The following PCDHGA8 variants were observed in gnomAD, a reference collection of about 807,000 sequenced individuals.
PCDHGA8 encodes the protein protocadherin gamma-A8.
PCDHGA8 carries 45 observed loss-of-function variants against 59.2 expected under a neutral mutation model. That is an observed-to-expected ratio of 0.76 (90% CI 0.60 to 0.98). PCDHGA8 has a LOEUF of 0.98. Ranked by LOEUF, PCDHGA8 falls within the 50% of genes least tolerant of loss-of-function variation. The probability of loss-of-function intolerance (pLI) is 0.00; values close to 1 mark genes in which losing one functional copy is unlikely to be tolerated. For synonymous variants in PCDHGA8, 531 were observed against 519.0 expected, an observed-to-expected ratio of 1.02 and a Z score of -0.32; for missense variants, 1,257 against 1,196.2, an observed-to-expected ratio of 1.05 and a Z score of -0.75.
chr5:141,395,459 T>C (rs2093235244), intron 1 of PCDHGA8: 1 of 602,046 alleles, frequency 1.7e-6, no homozygotes, highest in African/African-American at 1.9e-5. Context: ...TCAACCATTT[T>C]AAGCCTTCCA....
At position 141,486,209 on chromosome 5, in the gene PCDHGA8, A is replaced by C. The variant is rs749965379; in HGVS notation, c.2425-8598A>C. On this transcript the variant is annotated intron_variant, in intron 1 of 3. Transcript: ENST00000398604. The surrounding 1 kb of genome is among the most constrained non-coding windows in gnomAD (Gnocchi z 5.0). ...AGTGGATCTGCTGGACGTAAATGAC[A>C]ATGCCCCTTACATCACAGTGACCTC... 1 of 1,614,080 alleles carries C rather than the reference A, an allele frequency of 6.2e-7. No homozygotes were observed. Among genetic ancestry groups the C allele is most frequent in the South Asian group, 1.1e-5 (1 of 91,078 alleles).
At chr5:141,400,014 C>T (rs2093941558) in intron 1 of PCDHGA8, 1 of 1,612,662 alleles carries the variant, frequency 6.2e-7, no homozygotes, top group Non-Finnish European at 8.5e-7. Flanking sequence ...GTGCCTTGGG[C>T]GACAGGGACG....
At chr5:141,509,669 G>GAGAA (rs2099877764) in intron 3 of PCDHGA8, among the ~76,000 whole-genome samples, 1 of 152,180 alleles carries the variant, frequency 6.6e-6, no homozygotes, top group African/African-American at 2.4e-5. Flanking sequence ...CTGGGCCCCA[G>GAGAA]TTTCTTCTTC....
In PCDHGA8 at chr5:141,502,614, T is replaced by C. The variant is rs534996288; in HGVS notation, c.2484-2779T>C. Among the ~76,000 whole-genome samples the C allele has an allele frequency of 7.2e-5, 11 of 152,316 alleles. No homozygotes were observed. In the East Asian group the frequency reaches 1.7e-3, roughly 24 times the overall value. ...AGATATTTTAAAATATTTGTGAAAATATAAGTAATCTGTGGATGATACTTT... is the reference window on the plus strand; with the variant it reads ...AGATATTTTAAAATATTTGTGAAAACATAAGTAATCTGTGGATGATACTTT... On this transcript the variant is annotated intron_variant, in intron 2 of 3. Transcript: ENST00000398604.
rs762414791 is a variant in PCDHGA8 at position 141,418,601 on chromosome 5, A to G, written c.2424+23364A>G. The G allele has an allele frequency of 3.5e-5, 57 of 1,613,930 alleles. No individual in the cohort carries two copies. The highest frequency in any genetic ancestry group is 1.7e-6 in the Non-Finnish European group (2 of 1,179,902). On this transcript the variant is annotated intron_variant, in intron 1 of 3. Coordinates refer to ENST00000398604, the MANE Select transcript of PCDHGA8 (RefSeq NM_032088.2). ...CCCAGTGTTCAGCCAGGACGTGTAC[A>G]GGGTTAGCCTTCGGGAAGACGTGCC...
intron 1 of PCDHGA8, chr5:141,400,584 A>G (rs745551734): frequency 1.9e-6 from 3 of 1,609,038 alleles, no homozygotes; most frequent in Non-Finnish European, 8.5e-7. Flanking sequence ...TATTTACATG[A>G]AACTATCGTA....
intron 1 of PCDHGA8, among the ~76,000 whole-genome samples, chr5:141,397,773 T>C (rs2093568087): frequency 1.3e-5 from 2 of 152,218 alleles, no homozygotes; most frequent in African/African-American, 2.4e-5. Context: ...ATTAAGTATA[T>C]GGACGTAAAA....
chr5:141,482,069 G>A (rs892777397), intron 1 of PCDHGA8, among the ~76,000 whole-genome samples: 1 of 138,078 alleles, frequency 7.2e-6, no homozygotes, highest in Non-Finnish European at 1.5e-5. Context: ...TGGGCAACAA[G>A]AACAAAACTC....
Position 141,506,556 on chromosome 5 carries a change from AC to A in PCDHGA8, c.2572+1080del, listed in dbSNP as rs560503002. Among the ~76,000 whole-genome samples the A allele has an allele frequency of 4.0e-4, 60 of 151,718 alleles. 1 individual carries two copies. In the East Asian group the frequency reaches 0.011, roughly 28 times the overall value. ...AATGAGTCCTTAGGTAAGTTATTAA[AC>A]CCCCTCGGTTTCACTTACTATTAAT... On this transcript the variant is annotated intron_variant, in intron 3 of 3. Coordinates refer to ENST00000398604, the MANE Select transcript of PCDHGA8 (RefSeq NM_032088.2).
At chr5:141,413,626 G>T (rs757785567) in intron 1 of PCDHGA8, 24 of 1,613,680 alleles carry the variant, frequency 1.5e-5, no homozygotes, top group Non-Finnish European at 1.7e-5. Context: ...TGAAAATGTC[G>T]CTGCGGGAAT....
At chr5:141,421,141 G>A (rs7732160) in intron 1 of PCDHGA8, 49,996 of 938,386 alleles carry the variant, frequency 0.053, 1,680 homozygotes, top group African/African-American at 0.14. Flanking sequence ...TATTTTGGAT[G>A]TAGTCGGCCT....
In PCDHGA8 at chr5:141,486,329, A is replaced by C. The variant is rs1045072240; in HGVS notation, c.2425-8478A>C. 1.2e-6 allele frequency: 2 copies of C among 1,613,882 alleles called. No individual in the cohort carries two copies. Among genetic ancestry groups the C allele is most frequent in the African/African-American group, 2.7e-5 (2 of 74,866 alleles). ...AGACTCAGGGTCAAACGGAGATGTG[A>C]GCCTCCGCATTCCTGACCACTTGCC... On this transcript the variant is annotated intron_variant, in intron 1 of 3. Transcript: ENST00000398604. The surrounding 1 kb of genome is among the most constrained non-coding windows in gnomAD (Gnocchi z 5.0).
At chr5:141,478,247 G>T in intron 1 of PCDHGA8, 1 of 1,614,076 alleles carries the variant, frequency 6.2e-7, no homozygotes, top group Non-Finnish European at 8.5e-7. Context: ...CACAGTGTTC[G>T]GAGTAATCAT....
rs2097438776 is a variant in PCDHGA8 at position 141,432,018 on chromosome 5, T to C, written c.2424+36781T>C. Reference sequence around the variant, plus strand: ...AGGGAACAGGTTCCTAGCTACAACATCACAGTGACCGCCACTGACCGGGGA... The same window carrying C: ...AGGGAACAGGTTCCTAGCTACAACACCACAGTGACCGCCACTGACCGGGGA... On this transcript the variant is annotated intron_variant, in intron 1 of 3. Transcript: ENST00000398604. This position sits in a 1 kb window ranked among gnomAD's most constrained non-coding sequence, Gnocchi z 6.0. 1.9e-6 allele frequency: 3 copies of C among 1,614,048 alleles called. No homozygotes were observed. In the South Asian group the frequency reaches 3.3e-5, roughly 18 times the overall value.
chr5:141,469,581 A>G (rs543624370), intron 1 of PCDHGA8, among the ~76,000 whole-genome samples: 1 of 152,340 alleles, frequency 6.6e-6, no homozygotes, highest in Admixed American at 6.5e-5. Flanking sequence ...CTCTAAATAA[A>G]TAAATAAATA....
chr5:141,394,292 G>A lies in PCDHGA8; in HGVS notation c.1479G>A (p.Glu493=), dbSNP rs1173905383. 18 of 1,613,852 alleles carry A rather than the reference G, an allele frequency of 1.1e-5. No individual in the cohort carries two copies. Among genetic ancestry groups the A allele is most frequent in the Non-Finnish European group, 1.4e-5 (17 of 1,179,898 alleles). Residue 493 remains glutamate, a synonymous_variant, in exon 1 of 4, where the codon GAG becomes GAA. Transcript: ENST00000398604. ...ENAQVTYSVT[E]DTLQGAPLSS... ...CCCAGGTCACTTACTCTGTGACCGA[G>A]GACACGCTGCAGGGGGCGCCCCTGT...
At chr5:141,504,240 G>A (rs1275204117) in intron 2 of PCDHGA8, among the ~76,000 whole-genome samples, 1 of 152,182 alleles carries the variant, frequency 6.6e-6, no homozygotes, top group Non-Finnish European at 1.5e-5. Context: ...AAGAAGCAGA[G>A]AGTTCTTCTT....
chr5:141,491,955 A>T lies in PCDHGA8; in HGVS notation c.2425-2852A>T. Reference sequence around the variant, plus strand: ...GGGACCGACCCCCACCCCTACACTCAAAAAAGGCCGGGGCCTCCTTCGAGC... The same window carrying T: ...GGGACCGACCCCCACCCCTACACTCTAAAAAGGCCGGGGCCTCCTTCGAGC... On this transcript the variant is annotated intron_variant, in intron 1 of 3. Coordinates refer to ENST00000398604, the MANE Select transcript of PCDHGA8 (RefSeq NM_032088.2). This position sits in a 1 kb window ranked among gnomAD's most constrained non-coding sequence, Gnocchi z 6.9. 9.7e-7 allele frequency: 1 copy of T among 1,029,648 alleles called. No homozygotes were observed. The highest frequency in any genetic ancestry group is 2.2e-5 in the South Asian group (1 of 44,530). The allele number at this position is 1,029,648 out of a possible 1,614,324, so 63.8% of individuals were successfully genotyped here. A position where few individuals can be genotyped will look rare whatever the true frequency, so the allele number is the denominator to read the frequency against.
Position 141,394,530 on chromosome 5 carries a change from A to C in PCDHGA8, c.1717A>C (p.Thr573Pro). 6.2e-7 allele frequency: 1 copy of C among 1,614,140 alleles called. No individual in the cohort carries two copies. The highest frequency in any genetic ancestry group is 1.3e-5 in the African/African-American group (1 of 75,056). The change falls in exon 1 of 4, where the codon ACT becomes CCT. Residue 573 changes from threonine (T) to proline (P), a missense_variant. Transcript: ENST00000398604. The stretch of plus-strand genomic sequence containing the variant: ...CCCCGCCCTCCCCACAGACGGTTCC[A>C]CTGGCGTGGAGCTGGCGCCCCGCTC... ...LYPALPTDGS[T>P]GVELAPRSAE...
Sources: allele counts gnomAD v4.1 joint callset (sites outside exome capture counted in the v4.1 genomes callset), GRCh38; gene constraint gnomAD v4.1.1; non-coding constraint Gnocchi (gnomAD v3.1); transcripts MANE v1.5; gene names NCBI Gene and HGNC (gene_info 2026-07-23, HGNC 2026-07-21).